The following RGS6 variants were observed in gnomAD, a reference collection of about 807,000 sequenced individuals.
The protein encoded by RGS6 is regulator of G-protein signaling 6.
RGS6 carries 30 observed loss-of-function variants against 78.5 expected under a neutral mutation model. The observed-to-expected ratio is 0.38, with a 90% CI of 0.29 to 0.52. The LOEUF (loss-of-function observed/expected upper bound fraction) is 0.52, where lower values mean the gene tolerates loss of function less well. Among genes scored for constraint, RGS6 ranks in the 20% least tolerant of loss-of-function variants. RGS6 has a pLI of 0.85. For synonymous variants in RGS6, 206 were observed against 206.0 expected (o/e 1.00, Z 0.00); for missense variants, 495 against 609.7 (o/e 0.81, Z 1.98).
chr14:72,569,287 C>T (rs769055807), downstream of RGS6, among the ~76,000 whole-genome samples: 4 of 152,110 alleles, frequency 2.6e-5, no homozygotes, highest in African/African-American at 4.8e-5. Context: ...TACCCCAAAA[C>T]GTTCCTGTGC....
intron 3 of RGS6, among the ~76,000 whole-genome samples, chr14:72,439,666 G>A (rs1430316355): frequency 2.0e-5 from 3 of 152,298 alleles, no homozygotes; most frequent in Non-Finnish European, 4.4e-5. Flanking sequence ...CTTCTTACCT[G>A]CCTCTGTGCC....
chr14:72,050,697 A>G (rs1009080499), intron 2 of RGS6, among the ~76,000 whole-genome samples: 4 of 152,208 alleles, frequency 2.6e-5, no homozygotes, highest in Non-Finnish European at 4.4e-5. Context: ...TGACCCTTGA[A>G]CAACACGGGT....
At chr14:72,600,180 C>T in the RGS6 span, among the ~76,000 whole-genome samples, 1 of 152,152 alleles carries the variant, frequency 6.6e-6, no homozygotes, top group Admixed American at 6.5e-5. Context: ...CCCCCTCTGC[C>T]CAGCCCAGCC....
At chr14:72,046,876 C>T (rs1462147287) in intron 2 of RGS6, among the ~76,000 whole-genome samples, 2 of 152,170 alleles carry the variant, frequency 1.3e-5, no homozygotes, top group Non-Finnish European at 2.9e-5. Flanking sequence ...CATTGATTTT[C>T]AGCTGTACTG....
At chr14:72,338,555 A>G (rs1222180667) in intron 2 of RGS6, among the ~76,000 whole-genome samples, 1 of 152,266 alleles carries the variant, frequency 6.6e-6, no homozygotes, top group Non-Finnish European at 1.5e-5. Flanking sequence ...AAACCATATC[A>G]GAAGCACAGA....
At chr14:71,915,173 G>T in the RGS6 span, among the ~76,000 whole-genome samples, 1 of 151,720 alleles carries the variant, frequency 6.6e-6, no homozygotes, top group Non-Finnish European at 1.5e-5. Context: ...CAGGAGAATC[G>T]CTTGAACCGG....
intron 1 of RGS6, among the ~76,000 whole-genome samples, chr14:71,964,107 A>C (rs558556654): frequency 6.6e-6 from 1 of 152,192 alleles, no homozygotes; most frequent in South Asian, 2.1e-4. Context: ...TGATTTCCCT[A>C]ATAAAATATT....
At chr14:72,355,426 C>G (rs1265012284) in intron 3 of RGS6, among the ~76,000 whole-genome samples, 1 of 152,144 alleles carries the variant, frequency 6.6e-6, no homozygotes, top group East Asian at 1.9e-4. Context: ...AACTCTTGAC[C>G]TTAGGTGATC....
At chr14:72,104,221 C>G (rs559035876) in intron 2 of RGS6, among the ~76,000 whole-genome samples, 2 of 152,114 alleles carry the variant, frequency 1.3e-5, no homozygotes, top group African/African-American at 4.8e-5. Context: ...GTGGCGCTGT[C>G]GGGGATCCCC....
chr14:72,547,309 C>T (rs902630952), intron 17 of RGS6: 1 of 1,535,610 alleles, frequency 6.5e-7, no homozygotes, highest in Non-Finnish European at 8.7e-7. Flanking sequence ...GTGGTCCAGA[C>T]TGGAAAGTTC....
At chr14:72,465,912 C>G (rs1264972898) in intron 7 of RGS6, 90 bp downstream of exon 7, 2 of 1,075,532 alleles carry the variant, frequency 1.9e-6, no homozygotes, top group Non-Finnish European at 2.8e-6. Flanking sequence ...TTTCTTTTGT[C>G]CCCCTTTTGT....
intron 16 of RGS6, among the ~76,000 whole-genome samples, chr14:72,538,081 A>G (rs1409974656): frequency 2.0e-5 from 3 of 152,242 alleles, no homozygotes; most frequent in South Asian, 2.1e-4. Context: ...CAACGTCTCA[A>G]TACTGAGGAG....
At chr14:72,057,278 C>T (rs1045653805) in intron 2 of RGS6, among the ~76,000 whole-genome samples, 1 of 133,606 alleles carries the variant, frequency 7.5e-6, no homozygotes, top group African/African-American at 2.9e-5. Flanking sequence ...CGTGCCATTG[C>T]ACTCTAGCCT....
At chr14:72,408,877 G>C (rs570461993) in intron 3 of RGS6, among the ~76,000 whole-genome samples, 1 of 152,300 alleles carries the variant, frequency 6.6e-6, no homozygotes, top group Non-Finnish European at 1.5e-5. Flanking sequence ...CTGTAGCATG[G>C]ACACCTGGGA....
chr14:72,229,690 A>G (rs983273250), intron 2 of RGS6, among the ~76,000 whole-genome samples: 3 of 152,188 alleles, frequency 2.0e-5, no homozygotes, highest in Non-Finnish European at 2.9e-5. Context: ...AACTTAAGAA[A>G]CATAAATGTA....
At chr14:72,255,409 T>C (rs1193251639) in intron 2 of RGS6, among the ~76,000 whole-genome samples, 2 of 152,180 alleles carry the variant, frequency 1.3e-5, no homozygotes, top group South Asian at 2.1e-4. Flanking sequence ...ATAAAAAATA[T>C]ATTACAACTA....
intron 2 of RGS6, among the ~76,000 whole-genome samples, chr14:72,294,799 C>T (rs542984423): frequency 1.2e-4 from 19 of 152,180 alleles, no homozygotes; most frequent in Admixed American, 2.0e-4. Context: ...GGTGCTAAAC[C>T]GTTCACGAAG....
chr14:72,122,991 G>A (rs2096092247), intron 2 of RGS6, among the ~76,000 whole-genome samples: 1 of 152,162 alleles, frequency 6.6e-6, no homozygotes, highest in Non-Finnish European at 1.5e-5. Flanking sequence ...GTTTGAGACA[G>A]AGTCTCACTC....
the RGS6 span, among the ~76,000 whole-genome samples, chr14:72,623,310 A>G: frequency 2.0e-5 from 3 of 152,242 alleles, no homozygotes; most frequent in Admixed American, 2.0e-4. Context: ...AAATAGCAAT[A>G]TGTCCCTAAA....
Sources: allele counts gnomAD v4.1 joint callset (sites outside exome capture counted in the v4.1 genomes callset), GRCh38; gene constraint gnomAD v4.1.1; transcripts MANE v1.5; gene names NCBI Gene and HGNC (gene_info 2026-07-23, HGNC 2026-07-21).